The following ABCD2 variants were observed in gnomAD, a reference collection of about 807,000 sequenced individuals.
ABCD2 encodes the protein ATP binding cassette subfamily D member 2.
Under a neutral mutation model 70.9 loss-of-function variants are expected in ABCD2, and 36 were observed. The ratio of observed to expected loss-of-function variants is 0.51; its 90% CI spans 0.39 to 0.67. The LOEUF is 0.67. Among genes scored for constraint, ABCD2 ranks in the 30% least tolerant of loss-of-function variants. ABCD2 has a pLI of 0.00. For synonymous variants in ABCD2, 304 were observed against 306.9 expected (o/e 0.99, Z 0.10); for missense variants, 729 against 890.2 (o/e 0.82, Z 2.30).
chr12:39,613,210 C>A (rs1379022776), intron 2 of ABCD2, among the ~76,000 whole-genome samples: 2 of 101,740 alleles, frequency 2.0e-5, no homozygotes, highest in South Asian at 5.5e-4. Flanking sequence ...AACGGTGAAA[C>A]CCCGTCTCTA....
chr12:39,580,156 G>A (rs562751630), intron 7 of ABCD2, among the ~76,000 whole-genome samples: 1 of 152,098 alleles, frequency 6.6e-6, no homozygotes, highest in African/African-American at 2.4e-5. Context: ...CACATGTCTG[G>A]TTTCAACCTC....
chr12:39,538,169 TTC>T, the ABCD2 span, among the ~76,000 whole-genome samples: 14 of 149,122 alleles, frequency 9.4e-5, 1 homozygote, highest in African/African-American at 2.5e-4. Flanking sequence ...TTTTCTTTCT[TTC>T]TTTTTTTTTT....
intron 5 of ABCD2, among the ~76,000 whole-genome samples, chr12:39,601,840 C>G (rs910431700): frequency 3.3e-5 from 5 of 151,994 alleles, no homozygotes; most frequent in South Asian, 2.1e-4. Flanking sequence ...TGCCTGTGCT[C>G]TTTCACTAGA....
chr12:39,600,475 C>T, intron 6 of ABCD2, 96 bp downstream of exon 6: 1 of 1,169,806 alleles, frequency 8.5e-7, no homozygotes, highest in Non-Finnish European at 1.2e-6. Flanking sequence ...TTAATAAAAA[C>T]ATTCTTAAAG....
intron 5 of ABCD2, 109 bp from the exon 6 acceptor site, chr12:39,600,825 G>A: frequency 2.0e-6 from 2 of 1,020,542 alleles, no homozygotes; most frequent in South Asian, 3.4e-5. Flanking sequence ...GATAACCTAG[G>A]TTGGGCAAAA....
chr12:39,588,524 G>T (rs1941697841), intron 6 of ABCD2, among the ~76,000 whole-genome samples: 1 of 152,178 alleles, frequency 6.6e-6, no homozygotes, highest in Non-Finnish European at 1.5e-5. Context: ...CCAGAAGCTG[G>T]AAAAGAGGCA....
chr12:39,607,073 T>C (rs745436504), intron 3 of ABCD2, among the ~76,000 whole-genome samples: 1 of 152,150 alleles, frequency 6.6e-6, no homozygotes, highest in Non-Finnish European at 1.5e-5. Context: ...TAAGAAAGTA[T>C]TACCCATTTA....
the ABCD2 span, among the ~76,000 whole-genome samples, chr12:39,541,281 A>G: frequency 6.6e-6 from 1 of 152,244 alleles, no homozygotes; most frequent in Non-Finnish European, 1.5e-5. Flanking sequence ...CAGTGCTGTT[A>G]TGAGAATTAA....
At chr12:39,566,183 G>A (rs1414441609) in intron 9 of ABCD2, among the ~76,000 whole-genome samples, 1 of 152,114 alleles carries the variant, frequency 6.6e-6, no homozygotes, top group African/African-American at 2.4e-5. Context: ...TCTATTTATT[G>A]GAATAGTTTC....
Position 39,600,589 on chromosome 12 carries a change from A to G in ABCD2, c.1628T>C (p.Met543Thr), listed in dbSNP as rs1389295130. 6.2e-7 allele frequency: 1 copy of G among 1,601,270 alleles called. No homozygotes were observed. Among genetic ancestry groups the G allele is most frequent in the African/African-American group, 1.3e-5 (1 of 74,306 alleles). Residue 543 changes from methionine (M) to threonine (T), a missense_variant, in exon 6 of 10, where the codon ATG becomes ACG. Coordinates refer to ENST00000308666, the MANE Select transcript of ABCD2 (RefSeq NM_005164.4). The stretch of plus-strand genomic sequence containing the variant: ...TACCTACCTTTGTGGAATATAAAAC[A>G]TATGTTGAGGAGGTGGTTTATAGAG... ...GVLYKPPPQH[M>T]FYIPQRPYMS...
chr12:39,541,272 A>C, the ABCD2 span, among the ~76,000 whole-genome samples: 14 of 152,242 alleles, frequency 9.2e-5, no homozygotes, highest in Admixed American at 8.5e-4. Flanking sequence ...TAAAGAAGAC[A>C]GTGCTGTTAT....
chr12:39,566,343 C>A (rs1941347062), intron 9 of ABCD2, among the ~76,000 whole-genome samples: 2 of 152,096 alleles, frequency 1.3e-5, no homozygotes, highest in South Asian at 4.1e-4. Context: ...GAAATTCTTC[C>A]TGGTTTAGTC....
At chr12:39,542,614 G>A in the ABCD2 span, among the ~76,000 whole-genome samples, 1 of 152,114 alleles carries the variant, frequency 6.6e-6, no homozygotes, top group African/African-American at 2.4e-5. Context: ...ACTTATTCAA[G>A]GGCTGTTATT....
At position 39,619,443 on chromosome 12, in the gene ABCD2, G is replaced by A; in HGVS notation, c.173C>T (p.Pro58Leu). 1 of 1,614,088 alleles carries A rather than the reference G, an allele frequency of 6.2e-7. No homozygotes were observed. Among genetic ancestry groups the A allele is most frequent in the Non-Finnish European group, 8.5e-7 (1 of 1,180,032 alleles). The part of the protein sequence containing the change: ...GHGKKKAAAY[P>L]AAENTEILHC... Reference sequence around the variant, plus strand: ...CAGTATTTCTGTGTTCTCTGCAGCAGGGTAAGCTGCTGCTTTTTTCTTCCC... The same window carrying A: ...CAGTATTTCTGTGTTCTCTGCAGCAAGGTAAGCTGCTGCTTTTTTCTTCCC... The change falls in exon 1 of 10, where the codon CCT becomes CTT. Residue 58 changes from proline to leucine, a missense_variant. By Grantham distance (98) the Pro-to-Leu change is moderately conservative. Around this residue, in one of 3 missense-constraint regions of ABCD2, gnomAD observed 245 missense variants for 261.2 expected, o/e 0.94. Coordinates refer to ENST00000308666, the MANE Select transcript of ABCD2 (RefSeq NM_005164.4).
intron 9 of ABCD2, 118 bp downstream of exon 9, chr12:39,573,598 A>C: frequency 9.0e-7 from 1 of 1,107,694 alleles, no homozygotes; most frequent in Non-Finnish European, 1.2e-6. Flanking sequence ...CTTAAGAGAA[A>C]TATGGGTAGA....
chr12:39,568,858 A>G (rs1387610060), intron 9 of ABCD2, among the ~76,000 whole-genome samples: 1 of 152,166 alleles, frequency 6.6e-6, no homozygotes, highest in Admixed American at 6.5e-5. Context: ...CAGGACCCTC[A>G]ACTGCAGGTC....
At chr12:39,605,524 A>G (rs1230732949) in intron 3 of ABCD2, among the ~76,000 whole-genome samples, 1 of 152,052 alleles carries the variant, frequency 6.6e-6, no homozygotes, top group African/African-American at 2.4e-5. Context: ...AAAGAAAAAC[A>G]TTAAATATAT....
At chr12:39,531,161 G>A in the ABCD2 span, among the ~76,000 whole-genome samples, 1 of 152,130 alleles carries the variant, frequency 6.6e-6, no homozygotes, top group African/African-American at 2.4e-5. Flanking sequence ...ACATTCTAGT[G>A]GGGGTAGGAG....
At chr12:39,558,809 A>T (rs917981003) in intron 9 of ABCD2, among the ~76,000 whole-genome samples, 5 of 152,316 alleles carry the variant, frequency 3.3e-5, no homozygotes, top group Admixed American at 2.0e-4. Context: ...GAACTAATAC[A>T]GCGCACTTCA....
Sources: allele counts gnomAD v4.1 joint callset (sites outside exome capture counted in the v4.1 genomes callset), GRCh38; gene constraint gnomAD v4.1.1; regional missense constraint gnomAD v4.1.1; transcripts MANE v1.5; gene names NCBI Gene and HGNC (gene_info 2026-07-23, HGNC 2026-07-21).